GSE1: variants seen among roughly 807,000 people sequenced by gnomAD.
GSE1 encodes Gse1 coiled-coil protein.
A neutral mutation model predicts 112.6 loss-of-function variants in GSE1; 32 were observed. The observed-to-expected ratio is 0.28, with a 90% CI of 0.21 to 0.38. GSE1 has a LOEUF of 0.38. Ranked by LOEUF, GSE1 falls within the 10% of genes least tolerant of loss-of-function variation. GSE1 has a pLI of 1.00. For missense variants in GSE1, 2,348 were observed against 1,699.2 expected, an observed-to-expected ratio of 1.38 and a Z score of -6.71; for synonymous variants, 1,115 against 735.6, an observed-to-expected ratio of 1.52 and a Z score of -8.35.
rs1174076507 is a variant in GSE1 at position 85,419,737 on chromosome 16, C to A, written c.2464+62094C>A. The stretch of plus-strand genomic sequence containing the variant: ...GAATCAGCTGGGGATCTCTAAAAAC[C>A]CCTCTGATGCCTGCCTCCCCCGCCC... On this transcript the variant is annotated intron_variant, in intron 2 of 2. Transcript: ENST00000637419. The surrounding 1 kb of genome is among the most constrained non-coding windows in gnomAD (Gnocchi z 6.5). 1.3e-5 allele frequency among the ~76,000 whole-genome samples: 2 copies of A among 152,116 alleles called. No homozygotes were observed. Among genetic ancestry groups the A allele is most frequent in the Non-Finnish European group, 1.5e-5 (1 of 68,010 alleles).
At chr16:85,459,286 C>A (rs530860384) in intron 2 of GSE1, among the ~76,000 whole-genome samples, 3 of 152,316 alleles carry the variant, frequency 2.0e-5, no homozygotes, top group African/African-American at 7.2e-5. Context: ...CTCCACAGAG[C>A]CACCACCAGC....
chr16:85,662,886 C>G lies in GSE1; in HGVS notation c.2261-95C>G, dbSNP rs924343565. 3.4e-6 allele frequency: 3 copies of G among 873,336 alleles called. No individual in the cohort carries two copies. In the African/African-American group the frequency reaches 4.9e-5, roughly 14 times the overall value. The allele number at this position is 873,336 out of a possible 1,614,324, so 54.1% of individuals were successfully genotyped here. A position where few individuals can be genotyped will look rare whatever the true frequency, so the allele number is the denominator to read the frequency against. On this transcript the variant is annotated intron_variant, in intron 9 of 15. Coordinates refer to ENST00000253458, the MANE Select transcript of GSE1 (RefSeq NM_014615.5). ...GTGTTCAGGTGCCAGCAGGCCTGGC[C>G]TGATAGGTGCTCTGCACACATGAGG...
At chr16:85,623,917 C>T (rs1448552456) in intron 1 of GSE1, among the ~76,000 whole-genome samples, 1 of 152,154 alleles carries the variant, frequency 6.6e-6, no homozygotes, top group South Asian at 2.1e-4. Flanking sequence ...TGGCTGTAGA[C>T]TAAGGGCCCT....
chr16:85,238,253 A>AT (rs1437784013), intron 1 of GSE1, among the ~76,000 whole-genome samples: 1 of 152,102 alleles, frequency 6.6e-6, no homozygotes, highest in African/African-American at 2.4e-5. Flanking sequence ...CTGCCCTCAC[A>AT]TCCCCAGACA....
rs1012761069 is a variant in GSE1 at position 85,367,101 on chromosome 16, G to A, written c.2464+9458G>A. 3.3e-5 allele frequency among the ~76,000 whole-genome samples: 5 copies of A among 152,322 alleles called. No homozygotes were observed. The East Asian group carries it at 7.7e-4, about 24-fold the overall frequency. On this transcript the variant is annotated intron_variant, in intron 2 of 2. Coordinates refer to the GSE1 transcript ENST00000637419. ...CCCACTGTTCTTCATTCCCCTGACC[G>A]GTCCAAGCTGATAAACTGTCACCAG...
intron 2 of GSE1, among the ~76,000 whole-genome samples, chr16:85,484,508 G>A (rs2050773966): frequency 6.6e-6 from 1 of 152,258 alleles, no homozygotes; most frequent in Admixed American, 6.5e-5. Context: ...CCACAGAAGT[G>A]GCCCTTGAGT....
intron 1 of GSE1, among the ~76,000 whole-genome samples, chr16:85,319,560 C>T (rs1447056836): frequency 1.3e-5 from 2 of 152,160 alleles, no homozygotes; most frequent in African/African-American, 4.8e-5. Context: ...TTTTCAGTTG[C>T]CAGGCAAGGT....
intron 1 of GSE1, among the ~76,000 whole-genome samples, chr16:85,339,014 G>A (rs2046564988): frequency 6.6e-6 from 1 of 152,070 alleles, no homozygotes; most frequent in Non-Finnish European, 1.5e-5. Flanking sequence ...GGGTGGACTC[G>A]CAGCTGGGCA....
At chr16:85,287,398 G>A (rs1405337350) in intron 1 of GSE1, among the ~76,000 whole-genome samples, 7 of 152,198 alleles carry the variant, frequency 4.6e-5, no homozygotes, top group South Asian at 2.1e-4. Context: ...TGAAACAGCC[G>A]TGCATGTCCC....
intron 2 of GSE1, among the ~76,000 whole-genome samples, chr16:85,510,807 A>AGACCTCATGGCTCC (rs2051717135): frequency 1.3e-5 from 2 of 151,492 alleles, no homozygotes; most frequent in African/African-American, 4.9e-5. Flanking sequence ...CCTGCCTCAC[A>AGACCTCATGGCTCC]GGCCTCATGG....
intron 2 of GSE1, among the ~76,000 whole-genome samples, chr16:85,375,576 C>T (rs1034935987): frequency 1.6e-4 from 24 of 152,280 alleles, no homozygotes; most frequent in Admixed American, 3.9e-4. Flanking sequence ...AGGGCTTAAG[C>T]GGTGGGTTTG....
chr16:85,250,474 C>G (rs1352336299), intron 1 of GSE1, among the ~76,000 whole-genome samples: 4 of 152,184 alleles, frequency 2.6e-5, no homozygotes, highest in Non-Finnish European at 4.4e-5. Context: ...GGCCAGGCCT[C>G]CCCCGACCCC....
At chr16:85,519,567 T>TCACCATCACCAC (rs1228737211) in intron 2 of GSE1, among the ~76,000 whole-genome samples, 1 of 1,206 alleles carries the variant, frequency 8.3e-4, no homozygotes, top group Admixed American at 9.8e-3. Context: ...ACTATCATCA[T>TCACCATCACCAC]CACCATCACC....
chr16:85,600,442 C>T (rs895665053), intron 1 of GSE1, among the ~76,000 whole-genome samples: 2 of 151,886 alleles, frequency 1.3e-5, no homozygotes, highest in South Asian at 2.1e-4. Context: ...CACTGTCTTT[C>T]GTGGGAGAGG....
chr16:85,223,964 G>A (rs980452861), intron 1 of GSE1, among the ~76,000 whole-genome samples: 3 of 152,046 alleles, frequency 2.0e-5, no homozygotes, highest in East Asian at 3.9e-4. Context: ...TCACAAGGCC[G>A]TGCAACCACC....
intron 2 of GSE1, among the ~76,000 whole-genome samples, chr16:85,385,365 G>C (rs930239529): frequency 4.6e-5 from 7 of 152,230 alleles, no homozygotes; most frequent in Non-Finnish European, 7.3e-5. Flanking sequence ...CCAGAAGAGT[G>C]TGGTATGGCC....
At chr16:85,384,935 G>A (rs572000259) in intron 2 of GSE1, among the ~76,000 whole-genome samples, 9 of 152,228 alleles carry the variant, frequency 5.9e-5, no homozygotes, top group Non-Finnish European at 1.0e-4. Context: ...CCTTGCATCC[G>A]GCCTGCCGCA....
intron 1 of GSE1, among the ~76,000 whole-genome samples, chr16:85,622,790 A>C (rs2048822787): frequency 6.6e-6 from 1 of 152,124 alleles, no homozygotes; most frequent in South Asian, 2.1e-4. Flanking sequence ...TGAGCCTGGG[A>C]AGGGGTTGAC....
chr16:85,656,436 T>TGAGCGCGAACGC lies in GSE1; in HGVS notation c.1087_1098dup (p.Arg363_Glu366dup), dbSNP rs2051952638. 1 of 1,564,358 alleles carries TGAGCGCGAACGC rather than the reference T, an allele frequency of 6.4e-7. No individual in the cohort carries two copies. The highest frequency in any genetic ancestry group is 1.4e-5 in the African/African-American group (1 of 71,664). On this transcript the variant is annotated inframe_insertion, in exon 7 of 16. Coordinates refer to ENST00000253458, the MANE Select transcript of GSE1 (RefSeq NM_014615.5). ...CTGACCGCGAGCGGGAGAAGGAACG[T>TGAGCGCGAACGC]GAGCGCGAACGCGAGAAGGAGCGCG... is the stretch of plus-strand genomic sequence containing the variant.
Sources: gnomAD v4.1 joint callset for allele counts (sites outside exome capture counted in the v4.1 genomes callset) on GRCh38, gnomAD v4.1.1 for gene constraint, Gnocchi (gnomAD v3.1) non-coding constraint, MANE v1.5 for transcripts, NCBI Gene and HGNC (gene_info 2026-07-23, HGNC 2026-07-21) for gene names.